The following SPAG16 variants were observed in gnomAD, a reference collection of about 807,000 sequenced individuals.
The protein encoded by SPAG16 is sperm associated antigen 16.
Under a neutral mutation model 80.4 loss-of-function variants are expected in SPAG16, and 86 were observed. The observed-to-expected ratio is 1.07, with a 90% CI of 0.90 to 1.28. The LOEUF (loss-of-function observed/expected upper bound fraction) is 1.28. SPAG16 is among the 50% of genes most tolerant of loss of function. SPAG16 has a pLI of 0.00. For synonymous variants in SPAG16, 294 were observed against 265.9 expected, an observed-to-expected ratio of 1.11 and a Z score of -1.03; for missense variants, 870 against 765.3, an observed-to-expected ratio of 1.14 and a Z score of -1.61.
chr2:214,231,011 A>C (rs756846021), intron 15 of SPAG16, among the ~76,000 whole-genome samples: 18 of 151,944 alleles, frequency 1.2e-4, no homozygotes, highest in Non-Finnish European at 2.1e-4. Flanking sequence ...AGGGGTTATA[A>C]TGCCTTCTTT....
intron 10 of SPAG16, among the ~76,000 whole-genome samples, chr2:213,739,605 C>CT (rs1204715511): frequency 5.3e-5 from 8 of 151,992 alleles, no homozygotes; most frequent in African/African-American, 1.7e-4. Flanking sequence ...TCTGCTTTTT[C>CT]TTTTTTTTCC....
At chr2:214,014,970 G>A (rs930526096) in intron 13 of SPAG16, among the ~76,000 whole-genome samples, 3 of 152,148 alleles carry the variant, frequency 2.0e-5, no homozygotes, top group African/African-American at 7.2e-5. Context: ...AGGAGCAAAG[G>A]GAACAGGAAT....
chr2:213,496,623 CAT>C (rs1288677829), intron 10 of SPAG16, among the ~76,000 whole-genome samples: 1 of 151,650 alleles, frequency 6.6e-6, no homozygotes, highest in Non-Finnish European at 1.5e-5. Context: ...TTTTGGAAAA[CAT>C]ATAATTTAAT....
At chr2:213,860,511 A>G (rs775965903) in intron 10 of SPAG16, among the ~76,000 whole-genome samples, 1 of 150,082 alleles carries the variant, frequency 6.7e-6, no homozygotes, top group Non-Finnish European at 1.5e-5. Flanking sequence ...GTGTACATGT[A>G]TGTATCTATG....
At chr2:213,977,104 C>A (rs2045450643) in intron 12 of SPAG16, among the ~76,000 whole-genome samples, 1 of 151,946 alleles carries the variant, frequency 6.6e-6, no homozygotes, top group Non-Finnish European at 1.5e-5. Context: ...TGGTCAGAGA[C>A]CAAGCAGGGG....
intron 9 of SPAG16, among the ~76,000 whole-genome samples, chr2:213,412,446 TA>T (rs923295046): frequency 8.6e-5 from 13 of 152,018 alleles, no homozygotes; most frequent in Admixed American, 3.3e-4. Flanking sequence ...AAAAGAAAAT[TA>T]AAAAAAATAA....
intron 12 of SPAG16, among the ~76,000 whole-genome samples, chr2:213,983,267 G>T (rs2045854911): frequency 6.6e-6 from 1 of 151,798 alleles, no homozygotes; most frequent in African/African-American, 2.4e-5. Context: ...AAAATTTCAT[G>T]TTTTACCTTA....
At chr2:214,384,025 C>A (rs1364154150) in intron 15 of SPAG16, among the ~76,000 whole-genome samples, 2 of 152,088 alleles carry the variant, frequency 1.3e-5, no homozygotes, top group Non-Finnish European at 1.5e-5. Flanking sequence ...GACACTGGAC[C>A]CAGAACGCTT....
intron 10 of SPAG16, among the ~76,000 whole-genome samples, chr2:213,841,858 AT>A (rs896629129): frequency 1.3e-5 from 2 of 151,620 alleles, no homozygotes; most frequent in Admixed American, 6.6e-5. Context: ...ATGTATAAGA[AT>A]TTTTTTTTCT....
intron 10 of SPAG16, among the ~76,000 whole-genome samples, chr2:213,733,981 C>T (rs1224965436): frequency 6.6e-6 from 1 of 152,082 alleles, no homozygotes; most frequent in Non-Finnish European, 1.5e-5. Context: ...AGAAAGGAGT[C>T]CGTTACTAAA....
chr2:214,314,753 G>GTAGTAGCTAGGTTAAA (rs11274354), intron 15 of SPAG16, among the ~76,000 whole-genome samples: 1 of 151,966 alleles, frequency 6.6e-6, no homozygotes, highest in Non-Finnish European at 1.5e-5. Context: ...TTTAAAAAAA[G>GTAGTAGCTAGGTTAAA]TGGGTTCACA....
intron 15 of SPAG16, among the ~76,000 whole-genome samples, chr2:214,324,871 CA>C (rs1696361201): frequency 6.6e-6 from 1 of 151,948 alleles, no homozygotes; most frequent in Non-Finnish European, 1.5e-5. Context: ...TGCAAATAAA[CA>C]AACATACACA....
At chr2:214,271,356 G>A (rs1373573700) in intron 15 of SPAG16, among the ~76,000 whole-genome samples, 1 of 152,084 alleles carries the variant, frequency 6.6e-6, no homozygotes, top group Non-Finnish European at 1.5e-5. Flanking sequence ...AGTCCCTTAT[G>A]ATACCAAGTA....
chr2:214,340,850 A>T (rs2126030311), intron 15 of SPAG16, among the ~76,000 whole-genome samples: 1 of 152,322 alleles, frequency 6.6e-6, no homozygotes, highest in Admixed American at 6.5e-5. Flanking sequence ...ACTCAGAAAC[A>T]GTCTTCTTTA....
chr2:214,281,073 G>T, intron 15 of SPAG16: 1 of 381,860 alleles, frequency 2.6e-6, no homozygotes, highest in East Asian at 6.5e-5. Flanking sequence ...TTCTGGCAAG[G>T]CCTTCATCTC....
Position 214,356,827 on chromosome 2 carries a change from T to A in SPAG16, c.1721-53313T>A, listed in dbSNP as rs61213830. 7.2e-4 allele frequency among the ~76,000 whole-genome samples: 110 copies of A among 152,146 alleles called. 3 individuals carry two copies. The East Asian group carries it at 0.021, about 29-fold the overall frequency. ...TATGTTAAAATTTTAATAATGATTT[T>A]GTATTACCTACATGATTACTATGTG... On this transcript the variant is annotated intron_variant, in intron 15 of 15. Transcript: ENST00000331683.
At chr2:213,355,906 G>T (rs939160010) in intron 7 of SPAG16, among the ~76,000 whole-genome samples, 1 of 152,136 alleles carries the variant, frequency 6.6e-6, no homozygotes, top group Admixed American at 6.5e-5. Flanking sequence ...TTCCAACTAT[G>T]TTGAATTGGA....
intron 6 of SPAG16, among the ~76,000 whole-genome samples, chr2:213,349,518 C>A (rs1418563987): frequency 6.6e-6 from 1 of 152,066 alleles, no homozygotes; most frequent in Non-Finnish European, 1.5e-5. Flanking sequence ...TAAATTATAA[C>A]CCAGCAATTA....
chr2:214,140,245 T>C (rs1032851405), intron 14 of SPAG16, among the ~76,000 whole-genome samples: 2 of 135,912 alleles, frequency 1.5e-5, no homozygotes, highest in African/African-American at 4.9e-5. Context: ...TCCAAACTTG[T>C]AATTTATTTT....
Sources: allele counts gnomAD v4.1 joint callset (sites outside exome capture counted in the v4.1 genomes callset), GRCh38; gene constraint gnomAD v4.1.1; transcripts MANE v1.5; gene names NCBI Gene and HGNC (gene_info 2026-07-23, HGNC 2026-07-21).